CNBD2: variants seen among roughly 807,000 people sequenced by gnomAD.
The protein encoded by CNBD2 is cyclic nucleotide-binding domain-containing protein 2.
A neutral mutation model predicts 63.7 loss-of-function variants in CNBD2; 64 were observed. The ratio of observed to expected loss-of-function variants is 1.00; its 90% CI spans 0.82 to 1.24. CNBD2 has a LOEUF of 1.24. Ranked by LOEUF, CNBD2 falls within the 50% of genes most tolerant of loss-of-function variation. The probability of loss-of-function intolerance (pLI) is 0.00; values close to 1 mark genes in which losing one functional copy is unlikely to be tolerated. For synonymous variants in CNBD2, 229 were observed against 255.4 expected (o/e 0.90, Z 0.99); for missense variants, 691 against 713.5 (o/e 0.97, Z 0.36).
intron 11 of CNBD2, among the ~76,000 whole-genome samples, chr20:36,029,710 A>G (rs1298919725): frequency 6.6e-6 from 1 of 152,244 alleles, no homozygotes; most frequent in Non-Finnish European, 1.5e-5. Flanking sequence ...TGTCGATATA[A>G]TCTGGCTGGA....
chr20:36,007,799 A>T (rs1403719669), intron 8 of CNBD2, among the ~76,000 whole-genome samples: 1 of 152,184 alleles, frequency 6.6e-6, no homozygotes, highest in Non-Finnish European at 1.5e-5. Context: ...TGGGATTACA[A>T]ATGTGAACTA....
intron 7 of CNBD2, among the ~76,000 whole-genome samples, chr20:35,993,673 T>TTAC: frequency 6.6e-6 from 1 of 152,296 alleles, no homozygotes; most frequent in Non-Finnish European, 1.5e-5. Flanking sequence ...CACTAATATG[T>TTAC]TACTACTAGT....
intron 8 of CNBD2, among the ~76,000 whole-genome samples, chr20:36,003,427 G>T (rs918328688): frequency 7.4e-4 from 113 of 152,154 alleles, no homozygotes; most frequent in African/African-American, 2.6e-3. Context: ...GAAGTATTTT[G>T]ATCTTTTCAA....
At chr20:35,988,051 G>C (rs1040053421) in intron 7 of CNBD2, among the ~76,000 whole-genome samples, 1 of 151,746 alleles carries the variant, frequency 6.6e-6, no homozygotes, top group South Asian at 2.1e-4. Flanking sequence ...TGTACTTTTA[G>C]TAGAGACGGG....
At chr20:36,007,062 G>C (rs954411401) in intron 8 of CNBD2, among the ~76,000 whole-genome samples, 1 of 152,014 alleles carries the variant, frequency 6.6e-6, no homozygotes, top group East Asian at 1.9e-4. Context: ...GGTGGTGGGC[G>C]CCTGTAGTCC....
At chr20:35,994,682 A>T (rs939036179) in intron 7 of CNBD2, among the ~76,000 whole-genome samples, 1 of 151,172 alleles carries the variant, frequency 6.6e-6, no homozygotes, top group Non-Finnish European at 1.5e-5. Context: ...TGAGGTCAGG[A>T]GTTCGAGACC....
chr20:36,024,073 C>T (rs901155332), intron 11 of CNBD2, among the ~76,000 whole-genome samples: 5 of 152,236 alleles, frequency 3.3e-5, no homozygotes, highest in Admixed American at 1.3e-4. Context: ...CGATGGCTCA[C>T]GCCTATAATC....
chr20:36,023,598 C>T lies in CNBD2; in HGVS notation c.1270-4C>T, dbSNP rs758843968. 9.5e-6 allele frequency: 15 copies of T among 1,582,558 alleles called. No individual in the cohort carries two copies. The highest frequency in any genetic ancestry group is 4.6e-5 in the South Asian group (4 of 86,222). The stretch of plus-strand genomic sequence containing the variant: ...AGGTCTAACTTTCTGTGACTTCTCC[C>T]GAGGGTCTTCACCAGGCCTTCCTTC... On this transcript the variant is annotated splice_polypyrimidine_tract_variant and splice_region_variant and intron_variant, in intron 10 of 11. Transcript: ENST00000373973.
intron 2 of CNBD2, among the ~76,000 whole-genome samples, chr20:35,960,458 G>A (rs1195203375): frequency 6.6e-6 from 1 of 152,198 alleles, no homozygotes; most frequent in Non-Finnish European, 1.5e-5. Flanking sequence ...TTCTGCCTCA[G>A]CTTTGTGAGT....
chr20:35,954,541 G>A (rs1215631663), upstream of CNBD2: 2 of 1,508,698 alleles, frequency 1.3e-6, no homozygotes, highest in African/African-American at 2.8e-5. Context: ...GCCGCTTGCG[G>A]GCTCCCGGAA....
intron 2 of CNBD2, among the ~76,000 whole-genome samples, chr20:35,960,487 G>A (rs57184467): frequency 0.01 from 1,540 of 152,242 alleles, 17 homozygotes; most frequent in African/African-American, 0.033. Flanking sequence ...CCACAGGCGC[G>A]TACCGCCATG....
intron 10 of CNBD2, among the ~76,000 whole-genome samples, chr20:36,013,964 G>A (rs1388617552): frequency 1.3e-5 from 2 of 151,994 alleles, no homozygotes; most frequent in African/African-American, 4.8e-5. Flanking sequence ...GGCGGATCAC[G>A]AGGTCAGGAG....
rs1235904531 is a variant in CNBD2 at position 36,023,605 on chromosome 20, C to T, written c.1273C>T (p.Leu425Phe). 3 of 1,593,126 alleles carry T rather than the reference C, an allele frequency of 1.9e-6. No individual in the cohort carries two copies. In the East Asian group the frequency reaches 6.9e-5, roughly 37 times the overall value. Residue 425 changes from leucine (L) to phenylalanine (F), a missense_variant, in exon 11 of 12, where the codon CTT becomes TTT. Leu to Phe is a conservative substitution (Grantham distance 22). Transcript: ENST00000373973. The stretch of plus-strand genomic sequence containing the variant: ...ACTTTCTGTGACTTCTCCCGAGGGT[C>T]TTCACCAGGCCTTCCTTCCAGAGGG... The part of the protein sequence containing the change: ...HTVEQGEILG[L>F]HQAFLPEGEC...
At chr20:36,000,857 C>G (rs1466062981) in intron 8 of CNBD2, among the ~76,000 whole-genome samples, 2 of 144,058 alleles carry the variant, frequency 1.4e-5, no homozygotes, top group African/African-American at 5.2e-5. Flanking sequence ...GATAAGTGAA[C>G]AAAGGTCTCT....
In CNBD2 at chr20:36,030,497, C is replaced by T. The variant is rs2057331653; in HGVS notation, c.1580C>T (p.Pro527Leu). 5 of 1,614,050 alleles carry T rather than the reference C, an allele frequency of 3.1e-6. No homozygotes were observed. The African/African-American group carries it at 4.0e-5, about 13-fold the overall frequency. Residue 527 changes from proline to leucine, a missense_variant, in exon 12 of 12, where the codon CCT (proline) becomes CTT (leucine). Coordinates refer to ENST00000373973, the MANE Select transcript of CNBD2 (RefSeq NM_001365709.1). ...NRPKKREIYN[P>L]KSVVLDLCSI... ...CCCAAGAAGAGAGAGATCTACAACC[C>T]TAAGTCTGTGGTCCTGGATTTGTGC...
At chr20:36,003,895 T>G (rs1164928992) in intron 8 of CNBD2, among the ~76,000 whole-genome samples, 4 of 151,896 alleles carry the variant, frequency 2.6e-5, no homozygotes, top group Non-Finnish European at 4.4e-5. Flanking sequence ...AAAAATCTCT[T>G]GAGGTTGCCA....
intron 3 of CNBD2, among the ~76,000 whole-genome samples, chr20:35,978,414 G>A (rs2056551019): frequency 6.6e-6 from 1 of 151,306 alleles, no homozygotes; most frequent in African/African-American, 2.4e-5. Context: ...GAGCGATCTG[G>A]GCTCACTACA....
At chr20:36,022,662 G>A (rs1040683077) in intron 10 of CNBD2, among the ~76,000 whole-genome samples, 3 of 146,544 alleles carry the variant, frequency 2.0e-5, no homozygotes, top group African/African-American at 7.6e-5. Flanking sequence ...ATAGTCTCTC[G>A]CTCTGTTGCC....
At chr20:36,018,302 A>C (rs546241526) in intron 10 of CNBD2, among the ~76,000 whole-genome samples, 1 of 152,278 alleles carries the variant, frequency 6.6e-6, no homozygotes, top group East Asian at 1.9e-4. Context: ...TGTTTTGTCC[A>C]GGCCCTGCAA....
Sources: allele counts gnomAD v4.1 joint callset (sites outside exome capture counted in the v4.1 genomes callset), GRCh38; gene constraint gnomAD v4.1.1; transcripts MANE v1.5; gene names NCBI Gene and HGNC (gene_info 2026-07-23, HGNC 2026-07-21).